The following TUSC3 variants were observed in gnomAD, a reference collection of about 807,000 sequenced individuals.
TUSC3 encodes the protein dolichyl-diphosphooligosaccharide--protein glycosyltransferase subunit TUSC3.
A neutral mutation model predicts 44.8 loss-of-function variants in TUSC3; 45 were observed. The observed-to-expected ratio is 1.00, with a 90% CI of 0.79 to 1.29. The LOEUF (loss-of-function observed/expected upper bound fraction) is 1.29. Among genes scored for constraint, TUSC3 ranks in the 50% most tolerant of loss-of-function variants. TUSC3 has a pLI of 0.00. For missense variants in TUSC3, 519 were observed against 437.9 expected (o/e 1.19, Z -1.65); for synonymous variants, 212 against 152.9 (o/e 1.39, Z -2.85).
At chr8:15,701,096 A>G (rs1401321598) in intron 6 of TUSC3, among the ~76,000 whole-genome samples, 2 of 152,064 alleles carry the variant, frequency 1.3e-5, no homozygotes, top group Admixed American at 1.3e-4. Context: ...GGAATTAGAA[A>G]TCTTAAATGG....
chr8:15,435,834 C>CT (rs564670910), intron 1 of TUSC3, among the ~76,000 whole-genome samples: 2 of 152,116 alleles, frequency 1.3e-5, no homozygotes, highest in African/African-American at 2.4e-5. Flanking sequence ...AACAATGGTT[C>CT]TTTTTTTTCT....
At chr8:15,636,828 T>G (rs921001301) in intron 2 of TUSC3, among the ~76,000 whole-genome samples, 4 of 152,194 alleles carry the variant, frequency 2.6e-5, no homozygotes, top group African/African-American at 9.7e-5. Flanking sequence ...TGGGGTCAAG[T>G]CTGAAGAGAT....
At chr8:15,592,275 A>G (rs1803875504) in intron 1 of TUSC3, among the ~76,000 whole-genome samples, 1 of 152,136 alleles carries the variant, frequency 6.6e-6, no homozygotes, top group Non-Finnish European at 1.5e-5. Context: ...CTCAAGGCAG[A>G]CAATTGCATA....
chr8:15,515,977 A>T (rs943952062), intron 2 of TUSC3, among the ~76,000 whole-genome samples: 7 of 152,254 alleles, frequency 4.6e-5, no homozygotes, highest in African/African-American at 1.7e-4. Flanking sequence ...CCCCAAAATT[A>T]TATTCTGTAA....
At chr8:15,597,878 A>G (rs1017926803) in intron 1 of TUSC3, among the ~76,000 whole-genome samples, 2 of 152,082 alleles carry the variant, frequency 1.3e-5, no homozygotes, top group African/African-American at 2.4e-5. Context: ...GGGGAAAAAC[A>G]TTAGTTAATA....
At chr8:15,652,676 T>G (rs183589170) in intron 3 of TUSC3, among the ~76,000 whole-genome samples, 2 of 152,128 alleles carry the variant, frequency 1.3e-5, no homozygotes, top group Non-Finnish European at 2.9e-5. Flanking sequence ...TTATTTCATA[T>G]AAGTAATAGA....
At position 15,762,364 on chromosome 8, in the gene TUSC3, G is replaced by C. The variant is rs185862823; in HGVS notation, c.*47-1839G>C. Among the ~76,000 whole-genome samples the C allele has an allele frequency of 3.2e-3, 491 of 151,772 alleles. 1 individual carries two copies. The highest frequency in any genetic ancestry group is 3.8e-3 in the Non-Finnish European group (260 of 67,902). On this transcript the variant is annotated intron_variant, in intron 10 of 10. Transcript: ENST00000503731. Reference sequence around the variant, plus strand: ...TCATTTCATAATGATATAAACAACTGATTGTTACACCAGGTTAAGAAAATT... The same window carrying C: ...TCATTTCATAATGATATAAACAACTCATTGTTACACCAGGTTAAGAAAATT...
chr8:15,600,222 G>A (rs1034346516), intron 1 of TUSC3, among the ~76,000 whole-genome samples: 4 of 151,724 alleles, frequency 2.6e-5, no homozygotes, highest in African/African-American at 9.7e-5. Flanking sequence ...GAAAACTGTA[G>A]TCTGTGGAAG....
At chr8:15,508,842 C>G (rs1322483356) in intron 2 of TUSC3, among the ~76,000 whole-genome samples, 2 of 152,202 alleles carry the variant, frequency 1.3e-5, no homozygotes, top group Non-Finnish European at 2.9e-5. Flanking sequence ...TGAGCTTACT[C>G]TGCTACTCAC....
At chr8:15,465,628 A>C (rs1800404595) in intron 1 of TUSC3, among the ~76,000 whole-genome samples, 1 of 152,232 alleles carries the variant, frequency 6.6e-6, no homozygotes, top group Non-Finnish European at 1.5e-5. Flanking sequence ...GAATTATAAA[A>C]GGCTTAATTT....
At chr8:15,427,552 G>A (rs545590420) in intron 1 of TUSC3, among the ~76,000 whole-genome samples, 35 of 152,244 alleles carry the variant, frequency 2.3e-4, no homozygotes, top group Admixed American at 5.2e-4. Flanking sequence ...GTCAAGCCAC[G>A]CACTTGGTCT....
downstream of TUSC3, among the ~76,000 whole-genome samples, chr8:15,770,983 CAA>C (rs1353272970): frequency 3.3e-5 from 5 of 152,188 alleles, no homozygotes; most frequent in African/African-American, 1.2e-4. Flanking sequence ...ATAAAACTGT[CAA>C]GAGATCAGGA....
At chr8:15,810,520 C>T in the TUSC3 span, among the ~76,000 whole-genome samples, 1 of 151,930 alleles carries the variant, frequency 6.6e-6, no homozygotes, top group Non-Finnish European at 1.5e-5. Context: ...CGCCTGTGGT[C>T]CCAGCTACTT....
intron 6 of TUSC3, among the ~76,000 whole-genome samples, chr8:15,715,945 T>C (rs893261403): frequency 2.0e-5 from 3 of 152,084 alleles, no homozygotes; most frequent in African/African-American, 7.2e-5. Context: ...AAAATGAGTT[T>C]TGACTGTGCT....
At chr8:15,775,623 TATAC>T in the TUSC3 span, among the ~76,000 whole-genome samples, 1 of 120,408 alleles carries the variant, frequency 8.3e-6, no homozygotes, top group Non-Finnish European at 1.7e-5. Context: ...TACATATATA[TATAC>T]AGACACATAT....
At chr8:15,515,106 C>G (rs1801200038) in intron 2 of TUSC3, among the ~76,000 whole-genome samples, 1 of 152,106 alleles carries the variant, frequency 6.6e-6, no homozygotes, top group African/African-American at 2.4e-5. Flanking sequence ...ACCACACTGT[C>G]TTGATTTTGT....
At chr8:15,655,181 G>C (rs903897183) in intron 3 of TUSC3, among the ~76,000 whole-genome samples, 4 of 152,174 alleles carry the variant, frequency 2.6e-5, no homozygotes, top group Admixed American at 2.6e-4. Flanking sequence ...GCAGCTGGCT[G>C]CTAGGAAAGG....
chr8:15,498,473 C>T (rs1013768366), intron 2 of TUSC3, among the ~76,000 whole-genome samples: 9 of 152,176 alleles, frequency 5.9e-5, no homozygotes, highest in African/African-American at 2.2e-4. Flanking sequence ...GTTTAAGAGC[C>T]ATGAAAATGA....
At chr8:15,718,942 ATAT>A (rs1810181140) in intron 6 of TUSC3, among the ~76,000 whole-genome samples, 1 of 152,034 alleles carries the variant, frequency 6.6e-6, no homozygotes, top group Non-Finnish European at 1.5e-5. Flanking sequence ...ATATATATGT[ATAT>A]ATTTTTTCCT....
Sources: gnomAD v4.1 joint callset for allele counts (sites outside exome capture counted in the v4.1 genomes callset) on GRCh38, gnomAD v4.1.1 for gene constraint, MANE v1.5 for transcripts, NCBI Gene and HGNC (gene_info 2026-07-23, HGNC 2026-07-21) for gene names.